The following COL19A1 variants were observed in gnomAD, a reference collection of about 807,000 sequenced individuals.
COL19A1 encodes the protein collagen type XIX alpha 1 chain, also known as collagen alpha-1(XIX) chain.
COL19A1 carries 159 observed loss-of-function variants against 190.2 expected under a neutral mutation model. The ratio of observed to expected loss-of-function variants is 0.84; its 90% CI spans 0.73 to 0.95. The LOEUF is 0.95. COL19A1 is among the 40% of genes least tolerant of loss of function. The pLI, the probability that COL19A1 is intolerant of heterozygous loss-of-function variation, is 0.00. For synonymous variants in COL19A1, 509 were observed against 458.9 expected, an observed-to-expected ratio of 1.11 and a Z score of -1.39; for missense variants, 1,418 against 1,431.9, an observed-to-expected ratio of 0.99 and a Z score of 0.16.
In COL19A1 at chr6:70,212,157, C is replaced by T. The variant is rs1768243960; in HGVS notation, c.*4883C>T. Among the ~76,000 whole-genome samples the T allele has an allele frequency of 6.6e-6, 1 of 152,076 alleles. No individual in the cohort carries two copies. Among genetic ancestry groups the T allele is most frequent in the Admixed American group, 6.5e-5 (1 of 15,270 alleles). ...TTATTGTATTGTGTTATGCAAAGTA[C>T]ATTTTGGAGATAAATGTTTTTCAGC... On this transcript the variant is annotated 3_prime_UTR_variant, in exon 51 of 51. Coordinates refer to ENST00000620364, the MANE Select transcript of COL19A1 (RefSeq NM_001858.6).
chr6:69,899,206 T>C (rs1388785992), intron 3 of COL19A1, among the ~76,000 whole-genome samples, 184 bp downstream of exon 3: 1 of 149,980 alleles, frequency 6.7e-6, no homozygotes, highest in Non-Finnish European at 1.5e-5. Flanking sequence ...ACTCTGTCAC[T>C]CAGGCTGGAG....
chr6:70,182,919 G>A (rs1285234458), intron 44 of COL19A1, among the ~76,000 whole-genome samples: 1 of 152,158 alleles, frequency 6.6e-6, no homozygotes, highest in Non-Finnish European at 1.5e-5. Context: ...CTTCCTAACT[G>A]TGGAGTGTGG....
intron 33 of COL19A1, 139 bp downstream of exon 33, chr6:70,156,508 A>G (rs1230400987): frequency 9.8e-7 from 1 of 1,015,896 alleles, no homozygotes; most frequent in East Asian, 2.6e-5. Flanking sequence ...AGAGAGAGAG[A>G]GAGAGAAAGT....
chr6:70,060,319 G>A (rs1780747537), intron 14 of COL19A1, among the ~76,000 whole-genome samples: 1 of 152,082 alleles, frequency 6.6e-6, no homozygotes, highest in Non-Finnish European at 1.5e-5. Context: ...AATGTTTATT[G>A]AGTTCCTTCT....
At chr6:69,959,903 CACA>C (rs1275097565) in intron 9 of COL19A1, 90 bp from the exon 10 acceptor site, 1 of 1,120,964 alleles carries the variant, frequency 8.9e-7, no homozygotes, top group African/African-American at 1.6e-5. Context: ...TACCTTTCCC[CACA>C]ACACTAGAGC....
intron 42 of COL19A1, among the ~76,000 whole-genome samples, chr6:70,179,034 G>A (rs984077483): frequency 6.6e-6 from 1 of 151,868 alleles, no homozygotes; most frequent in African/African-American, 2.4e-5. Flanking sequence ...CTCTATACCC[G>A]CCATGTCCCA....
intron 11 of COL19A1, among the ~76,000 whole-genome samples, chr6:69,965,017 C>T (rs1431020766): frequency 6.6e-6 from 1 of 152,050 alleles, no homozygotes; most frequent in Non-Finnish European, 1.5e-5. Flanking sequence ...CACTTTATTT[C>T]TAGATTAAAC....
intron 49 of COL19A1, among the ~76,000 whole-genome samples, chr6:70,204,011 C>T (rs1767712282): frequency 6.6e-6 from 1 of 152,128 alleles, no homozygotes; most frequent in African/African-American, 2.4e-5. Context: ...CAGGTGCCCA[C>T]CACCATGCCC....
At chr6:69,927,184 T>C (rs1484238627) in intron 4 of COL19A1, among the ~76,000 whole-genome samples, 1 of 152,128 alleles carries the variant, frequency 6.6e-6, no homozygotes, top group Non-Finnish European at 1.5e-5. Flanking sequence ...AGCACTGGAA[T>C]AGTTAATTAC....
chr6:70,151,346 A>G (rs771659046), intron 30 of COL19A1, 51 bp from the exon 31 acceptor site: 1 of 1,559,002 alleles, frequency 6.4e-7, no homozygotes, highest in Non-Finnish European at 8.8e-7. Context: ...TTTATATTGT[A>G]TTGTGTTCAT....
rs1787835769 is a variant in COL19A1 at position 70,161,952 on chromosome 6, C to T, written c.2345C>T (p.Pro782Leu). Reference protein sequence around the residue: ...IPGAPGPTGPPGLMGRTGHPG... With the variant: ...IPGAPGPTGPLGLMGRTGHPG... ...GGTGCTCCAGGCCCGACTGGACCCC[C>T]TGTAAGTATTTGTTAAAACGATTGC... Residue 782 changes from proline (P) to leucine (L), a missense_variant and splice_region_variant, in exon 35 of 51, where the codon CCT becomes CTT. Coordinates refer to ENST00000620364, the MANE Select transcript of COL19A1 (RefSeq NM_001858.6). 2 of 1,598,552 alleles carry T rather than the reference C, an allele frequency of 1.3e-6. No homozygotes were observed. The highest frequency in any genetic ancestry group is 1.3e-5 in the African/African-American group (1 of 74,160).
intron 16 of COL19A1, among the ~76,000 whole-genome samples, chr6:70,111,845 A>G (rs1438133563): frequency 3.3e-5 from 5 of 152,180 alleles, no homozygotes; most frequent in African/African-American, 1.2e-4. Context: ...GAAAGTGAGG[A>G]CCACAATCAC....
intron 7 of COL19A1, among the ~76,000 whole-genome samples, chr6:69,934,109 G>GCTTAAAGCATAGCTTTAGTGA (rs1421967079): frequency 1.3e-5 from 2 of 151,932 alleles, no homozygotes; most frequent in East Asian, 1.9e-4. Flanking sequence ...CCAAAGCATA[G>GCTTAAAGCATAGCTTTAGTGA]CTTAAAGCAT....
intron 44 of COL19A1, among the ~76,000 whole-genome samples, chr6:70,181,678 C>CAT (rs1457411655): frequency 1.3e-5 from 2 of 151,660 alleles, no homozygotes; most frequent in African/African-American, 4.8e-5. Context: ...CACACACACA[C>CAT]ACAGAGTTTC....
chr6:70,127,450 C>T (rs929546866), intron 17 of COL19A1, among the ~76,000 whole-genome samples: 3 of 152,166 alleles, frequency 2.0e-5, no homozygotes, highest in African/African-American at 7.2e-5. Flanking sequence ...GGCAGGTTGA[C>T]TCTGTCTCTT....
intron 5 of COL19A1, among the ~76,000 whole-genome samples, 177 bp from the exon 6 acceptor site, chr6:69,929,248 T>C (rs971843316): frequency 1.6e-4 from 24 of 152,050 alleles, no homozygotes; most frequent in African/African-American, 5.8e-4. Flanking sequence ...AAACCATTTT[T>C]GTAGTGGTGT....
chr6:69,938,774 G>A (rs1773274109), intron 9 of COL19A1, among the ~76,000 whole-genome samples: 2 of 152,026 alleles, frequency 1.3e-5, no homozygotes, highest in Admixed American at 1.3e-4. Context: ...TATATCCCAT[G>A]CTTAGAGATT....
intron 17 of COL19A1, among the ~76,000 whole-genome samples, chr6:70,129,018 T>G (rs1785362366): frequency 6.6e-6 from 1 of 152,208 alleles, no homozygotes; most frequent in Non-Finnish European, 1.5e-5. Flanking sequence ...TAGAAAGATT[T>G]ACATCTCAAA....
intron 34 of COL19A1, among the ~76,000 whole-genome samples, chr6:70,159,736 C>T (rs1347439896): frequency 4.6e-5 from 7 of 152,184 alleles, no homozygotes; most frequent in African/African-American, 1.7e-4. Flanking sequence ...GTAATGTTTC[C>T]ATGGCCACAT....
Sources: gnomAD v4.1 joint callset for allele counts (sites outside exome capture counted in the v4.1 genomes callset) on GRCh38, gnomAD v4.1.1 for gene constraint, MANE v1.5 for transcripts, NCBI Gene and HGNC (gene_info 2026-07-23, HGNC 2026-07-21) for gene names.